Variants in PCDHA3 observed in about 807,000 individuals in gnomAD.
PCDHA3 encodes the protein protocadherin alpha 3.
PCDHA3 carries 41 observed loss-of-function variants against 62.2 expected under a neutral mutation model. The observed-to-expected ratio is 0.66, with a 90% CI of 0.51 to 0.86. PCDHA3 has a LOEUF of 0.86. Among genes scored for constraint, PCDHA3 ranks in the 40% least tolerant of loss-of-function variants. The pLI is 0.00. For missense variants in PCDHA3, 1,304 were observed against 1,241.2 expected (o/e 1.05, Z -0.76); for synonymous variants, 640 against 555.4 (o/e 1.15, Z -2.14).
chr5:140,829,656 C>A (rs2150172140), intron 1 of PCDHA3: 1 of 1,612,578 alleles, frequency 6.2e-7, no homozygotes, highest in Admixed American at 1.7e-5. Context: ...GCGCTGCAGC[C>A]GCTGGACCAC....
At chr5:140,986,508 G>T (rs1043049646) in intron 3 of PCDHA3, among the ~76,000 whole-genome samples, 26 of 152,184 alleles carry the variant, frequency 1.7e-4, no homozygotes, top group African/African-American at 5.3e-4. Context: ...TAAAAGGACT[G>T]CCCCTGCCTG....
Position 141,009,656 on chromosome 5 carries a change from G to T in PCDHA3, c.2572G>T (p.Val858Phe). The T allele has an allele frequency of 6.2e-7, 1 of 1,614,000 alleles. No individual in the cohort carries two copies. The highest frequency in any genetic ancestry group is 8.5e-7 in the Non-Finnish European group (1 of 1,179,978). Residue 858 changes from valine (V) to phenylalanine (F), a missense_variant, in exon 4 of 4, where the codon GTC (valine) becomes TTC (phenylalanine). Physicochemically the swap from Val to Phe is conservative, Grantham distance 50. Coordinates refer to ENST00000522353, the MANE Select transcript of PCDHA3 (RefSeq NM_018906.3). The stretch of plus-strand genomic sequence containing the variant: ...AGAGGCAGGAGAAGTGTCCCCTCCA[G>T]TCGGTGCGGGTGTCAACAGCAACAG... Reference protein sequence around the residue: ...EPEAGEVSPPVGAGVNSNSWT... With the variant: ...EPEAGEVSPPFGAGVNSNSWT...
chr5:140,957,614 T>C (rs1208546101), intron 1 of PCDHA3, among the ~76,000 whole-genome samples: 6 of 152,134 alleles, frequency 3.9e-5, no homozygotes, highest in African/African-American at 1.4e-4. Flanking sequence ...CACAGACATA[T>C]ACATGCACAC....
intron 3 of PCDHA3, among the ~76,000 whole-genome samples, chr5:140,989,839 A>G (rs2097362613): frequency 6.6e-6 from 1 of 152,166 alleles, no homozygotes; most frequent in Admixed American, 6.5e-5. Context: ...CCTGTCAATG[A>G]GTGTGTGGAC....
intron 1 of PCDHA3, chr5:140,876,978 C>T (rs1206745884): frequency 1.2e-5 from 20 of 1,612,518 alleles, no homozygotes; most frequent in African/African-American, 6.7e-5. Flanking sequence ...TGGGCGAGCA[C>T]GCACTGTCGA....
At chr5:140,969,131 A>C in intron 1 of PCDHA3, 1 of 1,614,138 alleles carries the variant, frequency 6.2e-7, no homozygotes, top group African/African-American at 1.3e-5. Flanking sequence ...CTCCCTCACC[A>C]AGACCTACTG....
chr5:140,849,138 A>G (rs2150253056), intron 1 of PCDHA3: 1 of 1,337,178 alleles, frequency 7.5e-7, no homozygotes, highest in South Asian at 1.3e-5. Flanking sequence ...GCTCACGGCC[A>G]CCGATGGAGG....
intron 1 of PCDHA3, chr5:140,884,085 G>A (rs1181483962): frequency 6.2e-7 from 1 of 1,613,484 alleles, no homozygotes; most frequent in Non-Finnish European, 8.5e-7. Flanking sequence ...TACAATGCGT[G>A]GCTTTCGTAT....
chr5:140,822,987 C>T, intron 1 of PCDHA3: 4 of 1,614,254 alleles, frequency 2.5e-6, no homozygotes, highest in East Asian at 2.2e-5. Flanking sequence ...AGAATTACTA[C>T]TCGTTGGTGC....
intron 1 of PCDHA3, chr5:140,877,334 C>G (rs375199455): frequency 3.1e-6 from 5 of 1,613,884 alleles, no homozygotes; most frequent in African/African-American, 1.3e-5. Flanking sequence ...GCGCACATCC[C>G]GTTCCACGTG....
intron 1 of PCDHA3, chr5:140,875,761 G>T (rs373515339): frequency 8.7e-6 from 14 of 1,614,236 alleles, no homozygotes; most frequent in Non-Finnish European, 1.1e-5. Context: ...GAAGCTGTGC[G>T]GGCGGAGCGC....
chr5:140,872,073 T>C (rs2053472746), intron 1 of PCDHA3, among the ~76,000 whole-genome samples: 1 of 152,222 alleles, frequency 6.6e-6, no homozygotes, highest in Admixed American at 6.5e-5. Context: ...TAGCTGGGAA[T>C]GCAGTGCCAC....
At chr5:140,809,046 T>A in intron 1 of PCDHA3, 1 of 1,613,828 alleles carries the variant, frequency 6.2e-7, no homozygotes, top group Non-Finnish European at 8.5e-7. Flanking sequence ...GGCGCGCGCA[T>A]CCCGTTCCGC....
At chr5:140,833,630 C>T (rs1253718011) in intron 1 of PCDHA3, among the ~76,000 whole-genome samples, 1 of 152,092 alleles carries the variant, frequency 6.6e-6, no homozygotes, top group East Asian at 1.9e-4. Context: ...ATACTTCCTC[C>T]TCAAAAAGTT....
Position 140,871,315 on chromosome 5 carries a change from CT to C in PCDHA3, c.2394+67725del, listed in dbSNP as rs1352668242. On this transcript the variant is annotated intron_variant, in intron 1 of 3. Transcript: ENST00000522353. ...CGCGTGCGCGCCGGGGAAGCCCACGCTGGTGTGCTCCCGCGCGGTGGGGAGC... is the reference window on the plus strand; with the variant it reads ...CGCGTGCGCGCCGGGGAAGCCCACGCGGTGTGCTCCCGCGCGGTGGGGAGC... The C allele has an allele frequency of 8.1e-6, 13 of 1,613,928 alleles. No homozygotes were observed. In the Admixed American group the frequency reaches 2.0e-4, roughly 25 times the overall value.
chr5:140,946,326 A>T (rs1554217498), intron 1 of PCDHA3, among the ~76,000 whole-genome samples: 1 of 151,914 alleles, frequency 6.6e-6, no homozygotes, highest in East Asian at 1.9e-4. Context: ...GAAAGAGGAA[A>T]GATAACAAGT....
At chr5:140,956,724 C>T (rs2095305540) in intron 1 of PCDHA3, among the ~76,000 whole-genome samples, 1 of 152,176 alleles carries the variant, frequency 6.6e-6, no homozygotes, top group South Asian at 2.1e-4. Flanking sequence ...AGAATTGGTA[C>T]CAGCTCCTCT....
At chr5:140,928,434 CTT>C (rs1554205890) in intron 1 of PCDHA3, 1 of 1,614,172 alleles carries the variant, frequency 6.2e-7, no homozygotes, top group South Asian at 1.1e-5. Flanking sequence ...CTTCCTTTGA[CTT>C]TGAGCAGCTC....
chr5:140,986,358 A>C (rs1440671712), intron 3 of PCDHA3, among the ~76,000 whole-genome samples: 1 of 152,116 alleles, frequency 6.6e-6, no homozygotes, highest in African/African-American at 2.4e-5. Context: ...CTTCAGATGG[A>C]GGAATGCGTT....
Sources: allele counts gnomAD v4.1 joint callset (sites outside exome capture counted in the v4.1 genomes callset), GRCh38; gene constraint gnomAD v4.1.1; transcripts MANE v1.5; gene names NCBI Gene and HGNC (gene_info 2026-07-23, HGNC 2026-07-21).